MREG: variants seen among roughly 807,000 people sequenced by gnomAD.
MREG encodes the protein melanoregulin, also known as dilute suppressor protein homolog.
A neutral mutation model predicts 28.5 loss-of-function variants in MREG; 31 were observed. The ratio of observed to expected loss-of-function variants is 1.09; its 90% CI spans 0.82 to 1.47. The LOEUF is 1.47. MREG is among the 40% of genes most tolerant of loss of function. The pLI is 0.00. For missense variants in MREG, 256 were observed against 257.4 expected, an observed-to-expected ratio of 0.99 and a Z score of 0.04; for synonymous variants, 106 against 95.2, an observed-to-expected ratio of 1.11 and a Z score of -0.66.
In MREG at chr2:215,996,479, A is replaced by G; in HGVS notation, c.96-14T>C. On this transcript the variant is annotated splice_polypyrimidine_tract_variant and intron_variant, in intron 1 of 4. Transcript: ENST00000263268. ...GGATTGTTATCACTGTTGTATAAAA[A>G]AAGGAAAGATTGGGGTTTTATAATA... 1 of 1,598,942 alleles carries G rather than the reference A, an allele frequency of 6.3e-7. No homozygotes were observed. The highest frequency in any genetic ancestry group is 8.5e-7 in the Non-Finnish European group (1 of 1,173,170).
chr2:215,963,230 C>A (rs551058957), intron 2 of MREG, among the ~76,000 whole-genome samples: 20 of 152,004 alleles, frequency 1.3e-4, no homozygotes, highest in African/African-American at 4.8e-4. Context: ...AAGGCCGAGG[C>A]GGATGGATCA....
At chr2:215,950,276 T>A (rs1692449307) in intron 2 of MREG, among the ~76,000 whole-genome samples, 1 of 152,252 alleles carries the variant, frequency 6.6e-6, no homozygotes, top group Non-Finnish European at 1.5e-5. Context: ...TCATTCATCA[T>A]TGGATCATCC....
rs1219074422 is a variant in MREG, at chr2:216,030,956, TCACA to T, written c.-68+1829_-68+1832del. Among the ~76,000 whole-genome samples the T allele has an allele frequency of 5.3e-3, 604 of 113,366 alleles. 8 individuals carry two copies. The highest frequency in any genetic ancestry group is 0.017 in the East Asian group (72 of 4,220). The allele number at this position is 113,366 out of a possible 152,430, so 74.4% of individuals were successfully genotyped here. Reference sequence around the variant, plus strand: ...CTCTCTCTCTCTCTCTCTCTCTCTCTCACACACACACACACACACACACACACAC... The same window carrying T: ...CTCTCTCTCTCTCTCTCTCTCTCTCTCACACACACACACACACACACACAC... On this transcript the variant is annotated intron_variant, in intron 1 of 3. Coordinates refer to the MREG transcript ENST00000420348.
intron 1 of MREG, among the ~76,000 whole-genome samples, chr2:216,004,675 T>C (rs1005198103): frequency 4.6e-5 from 7 of 152,204 alleles, no homozygotes; most frequent in Non-Finnish European, 1.0e-4. Context: ...GAGATGAGTA[T>C]GACTCTGTGT....
At chr2:215,946,106 T>C (rs1047587829) in intron 3 of MREG, among the ~76,000 whole-genome samples, 2 of 151,934 alleles carry the variant, frequency 1.3e-5, no homozygotes, top group Non-Finnish European at 2.9e-5. Context: ...GCAAAGTGGT[T>C]CCCTCCAGGC....
At chr2:215,947,912 T>A (rs1692363772) in intron 2 of MREG, among the ~76,000 whole-genome samples, 1 of 152,214 alleles carries the variant, frequency 6.6e-6, no homozygotes. Flanking sequence ...TTGAGATAAG[T>A]GTGCCTTTAA....
intron 2 of MREG, among the ~76,000 whole-genome samples, chr2:215,958,462 G>C (rs1006498019): frequency 6.6e-6 from 1 of 152,102 alleles, no homozygotes; most frequent in Non-Finnish European, 1.5e-5. Context: ...AAACCCAAGA[G>C]AAAAAGGATT....
intron 3 of MREG, 25 bp from the exon 4 acceptor site, chr2:215,945,759 A>C (rs763825310): frequency 1.2e-6 from 2 of 1,601,590 alleles, no homozygotes; most frequent in East Asian, 4.5e-5. Context: ...TGGACCACTC[A>C]TGTAAAGTAG....
intron 1 of MREG, among the ~76,000 whole-genome samples, chr2:216,029,238 G>C (rs1291445072): frequency 6.6e-6 from 1 of 152,082 alleles, no homozygotes; most frequent in Non-Finnish European, 1.5e-5. Context: ...CCAGCACTTT[G>C]GGAGGCTGAG....
chr2:215,951,950 C>T (rs1000497510), intron 2 of MREG, among the ~76,000 whole-genome samples: 8 of 152,286 alleles, frequency 5.3e-5, no homozygotes, highest in South Asian at 2.1e-4. Context: ...CCCCTGGCAA[C>T]GACTGTTCTA....
intron 1 of MREG, among the ~76,000 whole-genome samples, chr2:216,028,729 AT>A (rs1694635039): frequency 6.6e-6 from 1 of 152,040 alleles, no homozygotes; most frequent in African/African-American, 2.4e-5. Flanking sequence ...GGGAATTCGA[AT>A]TTGTATAGTG....
upstream of MREG, among the ~76,000 whole-genome samples, chr2:216,015,123 G>GTGTGTGCGCGCGTGCATGGGCGCGCA (rs71047959): frequency 6.8e-6 from 1 of 147,524 alleles, no homozygotes; most frequent in Non-Finnish European, 1.5e-5. Context: ...GTGCACGCGT[G>GTGTGTGCGCGCGTGCATGGGCGCGCA]TGTGTGCGCG....
chr2:215,944,914 G>T lies in MREG; in HGVS notation c.594C>A (p.Cys198Ter). Residue 198 changes from cysteine to a stop codon, truncating the protein, a stop_gained, in exon 5 of 5, where the codon TGC (cysteine) becomes TGA (stop). Coordinates refer to ENST00000263268, the MANE Select transcript of MREG (RefSeq NM_018000.3). LOFTEE classifies it high-confidence loss of function. ...GCAGTTCTTTCTGGCCATCTGCCAG[G>T]CATGGAACCCCAGGCTTCTTGGGGT... is the stretch of plus-strand genomic sequence containing the variant. ...RTYPKKPGVP[C>*]LADGQKELHY... 6.2e-7 allele frequency: 1 copy of T among 1,608,598 alleles called. No individual in the cohort carries two copies. The highest frequency in any genetic ancestry group is 8.5e-7 in the Non-Finnish European group (1 of 1,175,518).
At chr2:216,019,071 T>C (rs1426341430) in intron 1 of MREG, among the ~76,000 whole-genome samples, 1 of 152,246 alleles carries the variant, frequency 6.6e-6, no homozygotes, top group African/African-American at 2.4e-5. Context: ...GCTCTAGGCT[T>C]TAGATGCTTA....
upstream of MREG, among the ~76,000 whole-genome samples, chr2:216,018,304 G>T (rs1020400524): frequency 1.3e-5 from 2 of 152,228 alleles, no homozygotes; most frequent in Non-Finnish European, 2.9e-5. Flanking sequence ...ATACAATGGT[G>T]AACTAGAATG....
At chr2:216,023,319 T>G (rs551532604) in intron 1 of MREG, among the ~76,000 whole-genome samples, 75 of 152,250 alleles carry the variant, frequency 4.9e-4, no homozygotes, top group Non-Finnish European at 5.0e-4. Context: ...AGCTTTCTTT[T>G]ACTCAACAGA....
At chr2:215,996,161 A>C in intron 2 of MREG, 145 bp downstream of exon 2, 1 of 824,554 alleles carries the variant, frequency 1.2e-6, no homozygotes, top group African/African-American at 1.7e-5. Context: ...AACCAGTGAT[A>C]ATATATGCTG....
chr2:215,984,518 C>CAAAAAAAAAAAAAAA (rs375220091), intron 2 of MREG, among the ~76,000 whole-genome samples: 6 of 68,062 alleles, frequency 8.8e-5, no homozygotes, highest in African/African-American at 2.8e-4. Flanking sequence ...ACCTTGTCAC[C>CAAAAAAAAAAAAAAA]AAAAAAAAAA....
At chr2:216,006,458 G>C (rs749308992) in intron 1 of MREG, among the ~76,000 whole-genome samples, 3 of 152,236 alleles carry the variant, frequency 2.0e-5, no homozygotes, top group African/African-American at 4.8e-5. Flanking sequence ...CTTTCCTTCA[G>C]TAAAAACCCT....
Sources: allele counts gnomAD v4.1 joint callset (sites outside exome capture counted in the v4.1 genomes callset), GRCh38; gene constraint gnomAD v4.1.1; transcripts MANE v1.5; gene names NCBI Gene and HGNC (gene_info 2026-07-23, HGNC 2026-07-21).